ZBTB8OS: variants seen among roughly 807,000 people sequenced by gnomAD.
ZBTB8OS encodes the protein tRNA-splicing ligase-activating factor archease.
ZBTB8OS carries 16 observed loss-of-function variants against 29.3 expected under a neutral mutation model. That is an observed-to-expected ratio of 0.55 (90% CI 0.37 to 0.83). ZBTB8OS has a LOEUF of 0.83. Ranked by LOEUF, ZBTB8OS falls within the 40% of genes least tolerant of loss-of-function variation. The probability of loss-of-function intolerance (pLI) is 0.00; values close to 1 mark genes in which losing one functional copy is unlikely to be tolerated. For missense variants in ZBTB8OS, 160 were observed against 196.9 expected (o/e 0.81, Z 1.12); for synonymous variants, 70 against 64.6 (o/e 1.08, Z -0.40).
At chr1:32,629,061 T>C (rs1645341352) in intron 5 of ZBTB8OS, among the ~76,000 whole-genome samples, 1 of 152,190 alleles carries the variant, frequency 6.6e-6, no homozygotes, top group Non-Finnish European at 1.5e-5. Context: ...TTAGTAAATA[T>C]TGTTTCAAAA....
At chr1:32,626,602 G>A (rs751731074) in intron 6 of ZBTB8OS, among the ~76,000 whole-genome samples, 1 of 152,134 alleles carries the variant, frequency 6.6e-6, no homozygotes, top group African/African-American at 2.4e-5. Context: ...AGGCTGGAGT[G>A]CAGTGGCATG....
At position 32,621,761 on chromosome 1, in the gene ZBTB8OS, T is replaced by C; in HGVS notation, c.*101A>G. ...AATATTTCTGTTCTACAAATTTCCA[T>C]ATATCAAAAAAAAGCTGTAGAATTT... On this transcript the variant is annotated 3_prime_UTR_variant, in exon 7 of 7. Coordinates refer to ENST00000468695, the MANE Select transcript of ZBTB8OS (RefSeq NM_178547.5). 5 of 831,956 alleles carry C rather than the reference T, an allele frequency of 6.0e-6. No homozygotes were observed. The highest frequency in any genetic ancestry group is 9.6e-6 in the Non-Finnish European group (5 of 521,576). 51.5% of individuals were successfully genotyped at this position (831,956 alleles called of 1,614,324 possible). A position where few individuals can be genotyped will look rare whatever the true frequency, so the allele number is the denominator to read the frequency against.
Position 32,650,524 on chromosome 1 carries a change from C to A in ZBTB8OS, c.6G>T (p.Ala2=), listed in dbSNP as rs1330074858. The A allele has an allele frequency of 3.1e-6, 5 of 1,614,052 alleles. No individual in the cohort carries two copies. In the South Asian group the frequency reaches 4.4e-5, roughly 14 times the overall value. ...AATCTCTAACATCTTCCTCTTCCTG[C>A]GCCATGACTGCAGGATTAGACACTC... M[A]QEEEDVRDYN... is the part of the protein sequence containing the mutation. Residue 2 remains alanine, a synonymous_variant, in exon 1 of 7, where the codon GCG becomes GCT. Transcript: ENST00000468695.
At chr1:32,634,352 A>C in intron 2 of ZBTB8OS, 1 of 300,982 alleles carries the variant, frequency 3.3e-6, no homozygotes, top group South Asian at 8.4e-5. Context: ...TCAGCCTCAC[A>C]AGTAGCTGGG....
At chr1:32,647,673 G>C (rs1414191121) in intron 1 of ZBTB8OS, among the ~76,000 whole-genome samples, 22 of 152,232 alleles carry the variant, frequency 1.4e-4, no homozygotes. Context: ...ATTGTGAACT[G>C]CACATTGAGG....
At chr1:32,650,322 A>T in intron 1 of ZBTB8OS, 111 bp downstream of exon 1, 1 of 1,401,484 alleles carries the variant, frequency 7.1e-7, no homozygotes, top group South Asian at 1.3e-5. Flanking sequence ...AAATGGGATC[A>T]TGCCTGAAGT....
chr1:32,629,945 GT>G (rs1466565468), intron 5 of ZBTB8OS, among the ~76,000 whole-genome samples: 1 of 151,770 alleles, frequency 6.6e-6, no homozygotes, highest in Non-Finnish European at 1.5e-5. Context: ...TAGGGATGGG[GT>G]TCCACCATGT....
At chr1:32,650,660 T>C (rs1647414654), upstream of ZBTB8OS, 2 of 1,551,432 alleles carry the variant, frequency 1.3e-6, no homozygotes, top group Non-Finnish European at 1.8e-6. Context: ...CGGAGTTGGC[T>C]GTTGACCTAC....
chr1:32,633,556 T>A, intron 4 of ZBTB8OS, 89 bp downstream of exon 4: 1 of 980,458 alleles, frequency 1.0e-6, no homozygotes. Flanking sequence ...TGGTTTTGTT[T>A]CACATGTCCT....
At chr1:32,641,430 C>T (rs929135140) in intron 1 of ZBTB8OS, among the ~76,000 whole-genome samples, 4 of 150,340 alleles carry the variant, frequency 2.7e-5, no homozygotes, top group African/African-American at 9.7e-5. Flanking sequence ...TGCACCTCCA[C>T]GCCGGGCTAA....
chr1:32,631,991 C>T (rs921283344), intron 4 of ZBTB8OS, 112 bp from the exon 5 acceptor site: 1 of 240,144 alleles, frequency 4.2e-6, no homozygotes, highest in Non-Finnish European at 7.9e-6. Context: ...ATTGGTAAAA[C>T]CTTTTTTTTT....
intron 6 of ZBTB8OS, among the ~76,000 whole-genome samples, chr1:32,626,139 C>T (rs12062607): frequency 0.03 from 4,618 of 152,178 alleles, 237 homozygotes; most frequent in African/African-American, 0.1. Context: ...TCCCAAAATG[C>T]GGGGATTACA....
intron 1 of ZBTB8OS, among the ~76,000 whole-genome samples, chr1:32,641,155 G>C (rs7365419): frequency 0.86 from 130,242 of 151,594 alleles, 57,581 homozygotes; most frequent in Non-Finnish European, 0.96. Context: ...CTGGGCAATA[G>C]AGCAAGCCAA....
chr1:32,625,640 A>G (rs786456), intron 6 of ZBTB8OS, among the ~76,000 whole-genome samples: 25,451 of 152,164 alleles, frequency 0.17, 4,462 homozygotes, highest in African/African-American at 0.44. Context: ...AGGAGACTGA[A>G]GTGGGGGGAT....
intron 6 of ZBTB8OS, among the ~76,000 whole-genome samples, chr1:32,624,923 C>A (rs928501238): frequency 5.4e-5 from 8 of 146,872 alleles, no homozygotes; most frequent in African/African-American, 2.0e-4. Context: ...TTTGATCATT[C>A]ATTCAAAAAA....
intron 4 of ZBTB8OS, 36 bp from the exon 5 acceptor site, chr1:32,631,915 T>C (rs752925517): frequency 1.6e-6 from 2 of 1,243,842 alleles, no homozygotes; most frequent in Admixed American, 5.2e-5. Context: ...TTAAAAAAAG[T>C]TCATAATAGA....
chr1:32,632,169 T>C (rs2148361148), intron 4 of ZBTB8OS: 1 of 179,162 alleles, frequency 5.6e-6, no homozygotes, highest in East Asian at 1.6e-4. Flanking sequence ...GCCCGGCCAA[T>C]CAATTTTTTT....
At position 32,638,230 on chromosome 1, in the gene ZBTB8OS, CT is replaced by C. The variant is rs760775116; in HGVS notation, c.98-3439del. Among the ~76,000 whole-genome samples, 720 of 102,154 alleles carry C rather than the reference CT, an allele frequency of 7.0e-3. 3 individuals carry two copies. The highest frequency in any genetic ancestry group is 0.018 in the African/African-American group (463 of 25,986). 67.0% of individuals were successfully genotyped at this position (102,154 alleles called of 152,430 possible). On this transcript the variant is annotated intron_variant, in intron 1 of 6. Transcript: ENST00000468695. ...CTCAAATTTTGGAGTCTCCAGAATT[CT>C]TTTTTTTTTTTTTTTTTTTTTTGAG...
rs78907409 is a variant in ZBTB8OS, at chr1:32,621,966, GAA to G, written c.418-20_418-19del. On this transcript the variant is annotated intron_variant, in intron 6 of 6. Coordinates refer to ENST00000468695, the MANE Select transcript of ZBTB8OS (RefSeq NM_178547.5). ...TCTGTTCCCTAAAGTTGGGGTTAGA[GAA>G]AAAAAAAAAAAAAAGGAAAATAGGA... The G allele has an allele frequency of 0.018, 16,346 of 884,230 alleles. No homozygotes were observed. Among genetic ancestry groups the G allele is most frequent in the Middle Eastern group, 0.022 (61 of 2,764 alleles). 54.8% of individuals were successfully genotyped at this position (884,230 alleles called of 1,614,324 possible). A position where few individuals can be genotyped will look rare whatever the true frequency, so the allele number is the denominator to read the frequency against.
Sources: gnomAD v4.1 joint callset for allele counts (sites outside exome capture counted in the v4.1 genomes callset) on GRCh38, gnomAD v4.1.1 for gene constraint, MANE v1.5 for transcripts, NCBI Gene and HGNC (gene_info 2026-07-23, HGNC 2026-07-21) for gene names.